Variants in PTH1R observed in about 807,000 individuals in gnomAD.
The protein encoded by PTH1R is parathyroid hormone 1 receptor.
PTH1R carries 32 observed loss-of-function variants against 70.7 expected under a neutral mutation model. The ratio of observed to expected loss-of-function variants is 0.45; its 90% confidence interval spans 0.34 to 0.61. The LOEUF (loss-of-function observed/expected upper bound fraction) is 0.61. Among genes scored for constraint, PTH1R ranks in the 20% least tolerant of loss-of-function variants. The pLI is 0.01. For missense variants in PTH1R, 626 were observed against 792.5 expected, an observed-to-expected ratio of 0.79 and a Z score of 2.52; for synonymous variants, 329 against 324.8, an observed-to-expected ratio of 1.01 and a Z score of -0.14.
Position 46,897,928 on chromosome 3 carries a change from G to C in PTH1R, c.387G>C (p.Val129=), listed in dbSNP as rs1374915669. ...PLGAPGEVVA[V]PCPDYIYDFN... is the part of the protein sequence containing the mutation. ...GGGCACCAGGTGAGGTGGTGGCTGTGCCCTGTCCGGACTACATTTATGACT... is the reference window on the plus strand; with the variant it reads ...GGGCACCAGGTGAGGTGGTGGCTGTCCCCTGTCCGGACTACATTTATGACT... The change falls in exon 6 of 16, where the codon GTG becomes GTC. Residue 129 remains valine, a synonymous_variant. Coordinates refer to ENST00000449590, the MANE Select transcript of PTH1R (RefSeq NM_000316.3). 6.2e-7 allele frequency: 1 copy of C among 1,614,126 alleles called. No homozygotes were observed. The highest frequency in any genetic ancestry group is 1.3e-5 in the African/African-American group (1 of 75,040).
At position 46,902,029 on chromosome 3, in the gene PTH1R, G is replaced by A. The variant is rs2107060783; in HGVS notation, c.1211+169G>A. On this transcript the variant is annotated intron_variant, in intron 13 of 15. Coordinates refer to ENST00000449590, the MANE Select transcript of PTH1R (RefSeq NM_000316.3). The surrounding 1 kb of genome is among the most constrained non-coding windows in gnomAD (Gnocchi z 5.4). ...CCACCTGGCCTGCCCAGCAGTGATG[G>A]GAGGCCCTAGGGCACCCCAAAGCCA... Among the ~76,000 whole-genome samples the A allele has an allele frequency of 6.6e-6, 1 of 152,320 alleles. No individual in the cohort carries two copies. Among genetic ancestry groups the A allele is most frequent in the African/African-American group, 2.4e-5 (1 of 41,574 alleles).
rs1166079263 is a variant in PTH1R at position 46,901,810 on chromosome 3, C to A, written c.1161C>A (p.Thr387=). 1.9e-6 allele frequency: 3 copies of A among 1,614,106 alleles called. No homozygotes were observed. The highest frequency in any genetic ancestry group is 2.2e-5 in the South Asian group (2 of 91,080). ...LFINIVRVLA[T]KLRETNAGRC... The stretch of plus-strand genomic sequence containing the variant: ...TCAATATCGTCCGGGTGCTCGCCAC[C>A]AAGCTGCGGGAGACCAACGCCGGCC... The change falls in exon 13 of 16, where the codon ACC becomes ACA. Residue 387 remains threonine, a synonymous_variant. Transcript: ENST00000449590. The surrounding 1 kb of genome is among the most constrained non-coding windows in gnomAD (Gnocchi z 7.3).
intron 3 of PTH1R, among the ~76,000 whole-genome samples, chr3:46,888,686 A>G (rs545731320): frequency 6.6e-6 from 1 of 152,332 alleles, no homozygotes; most frequent in East Asian, 1.9e-4. Context: ...GCCCGAGGTG[A>G]GACCTAGTGG....
At chr3:46,894,804 G>A (rs1575518128) in intron 4 of PTH1R, among the ~76,000 whole-genome samples, 1 of 152,022 alleles carries the variant, frequency 6.6e-6, no homozygotes, top group African/African-American at 2.4e-5. Flanking sequence ...CTTGGGCGGT[G>A]GCTGAAGGAA....
Position 46,903,291 on chromosome 3 carries a change from T to A in PTH1R, c.1417T>A (p.Ser473Thr). ...NGEVQAEIKK[S>T]WSRWTLALDF... ...CAAGGTACAAGCTGAGATCAAGAAA[T>A]CTTGGAGCCGCTGGACACTGGCACT... The change falls in exon 16 of 16, where the codon TCT becomes ACT. Residue 473 changes from serine (S) to threonine (T), a missense_variant. Ser to Thr is a moderately conservative substitution (Grantham distance 58). This residue lies in a region of PTH1R where 495 missense variants were observed against 638.7 expected (regional missense o/e 0.77). Transcript: ENST00000449590. This position sits in a 1 kb window ranked among gnomAD's most constrained non-coding sequence, Gnocchi z 4.4. 1 of 1,612,944 alleles carries A rather than the reference T, an allele frequency of 6.2e-7. No individual in the cohort carries two copies. Among genetic ancestry groups the A allele is most frequent in the Non-Finnish European group, 8.5e-7 (1 of 1,179,974 alleles).
intron 1 of PTH1R, among the ~76,000 whole-genome samples, chr3:46,878,809 C>T (rs992288937): frequency 6.6e-6 from 1 of 152,140 alleles, no homozygotes; most frequent in Non-Finnish European, 1.5e-5. Context: ...GGGCCAGAGT[C>T]TGGCCCCTAC....
chr3:46,888,460 G>A (rs1009305041), intron 3 of PTH1R, among the ~76,000 whole-genome samples: 1 of 152,210 alleles, frequency 6.6e-6, no homozygotes, highest in Non-Finnish European at 1.5e-5. Flanking sequence ...GCCTTCTGGG[G>A]ACACTCCCTG....
chr3:46,895,591 C>A (rs1429132560), intron 4 of PTH1R, 144 bp from the exon 5 acceptor site: 2 of 1,262,360 alleles, frequency 1.6e-6, no homozygotes, highest in Non-Finnish European at 2.3e-6. Context: ...CACCCATCGT[C>A]TCAGATCTCC....
At chr3:46,888,341 G>A (rs1282009541) in intron 3 of PTH1R, among the ~76,000 whole-genome samples, 6 of 152,160 alleles carry the variant, frequency 3.9e-5, no homozygotes, top group Admixed American at 6.5e-5. Flanking sequence ...CTCTTGAAAC[G>A]GCTTATGGAC....
In PTH1R at chr3:46,899,326, C is replaced by T. The variant is rs559583997; in HGVS notation, c.858C>T (p.Thr286=). Residue 286 remains threonine (T), a synonymous_variant, in exon 10 of 16, where the codon ACC becomes ACT. Transcript: ENST00000449590. ...AGGCGGGCTGCAGGGTGGCTGTGAC[C>T]TTCTTCCTTTACTTCCTGGCCACCA... ...AGYAGCRVAV[T]FFLYFLATNY... is the part of the protein sequence containing the mutation. 1 of 1,614,068 alleles carries T rather than the reference C, an allele frequency of 6.2e-7. No individual in the cohort carries two copies. The highest frequency in any genetic ancestry group is 1.3e-5 in the African/African-American group (1 of 75,064).
In PTH1R at chr3:46,901,051, T is replaced by A; in HGVS notation, c.1015T>A (p.Trp339Arg). The A allele has an allele frequency of 6.3e-7, 1 of 1,584,498 alleles. No homozygotes were observed. Among genetic ancestry groups the A allele is most frequent in the Non-Finnish European group, 8.6e-7 (1 of 1,164,162 alleles). The change falls in exon 11 of 16, where the codon TGG (tryptophan) becomes AGG (arginine). Residue 339 changes from tryptophan to arginine, a missense_variant. Physicochemically the swap from Trp to Arg is moderately radical, Grantham distance 101 (BLOSUM62 -3). Around this residue, in one of 3 missense-constraint regions of PTH1R, gnomAD observed 495 missense variants for 638.7 expected, o/e 0.77. Coordinates refer to ENST00000449590, the MANE Select transcript of PTH1R (RefSeq NM_000316.3). This position sits in a 1 kb window ranked among gnomAD's most constrained non-coding sequence, Gnocchi z 7.3. ...WGLPAVFVAVWVSVRATLANT... is the reference protein window; with the variant it reads ...WGLPAVFVAVRVSVRATLANT... ...TCTGCCCGCTGTCTTCGTGGCTGTG[T>A]GGGTCAGTGTCAGAGCTACCCTGGC...
At chr3:46,895,055 C>T (rs2031657773) in intron 4 of PTH1R, among the ~76,000 whole-genome samples, 1 of 138,634 alleles carries the variant, frequency 7.2e-6, no homozygotes, top group South Asian at 2.4e-4. Context: ...TAGAGGGAGA[C>T]CTTGTCTCAA....
In PTH1R at chr3:46,883,762, T is replaced by C; in HGVS notation, c.75+128T>C. 1 of 1,073,920 alleles carries C rather than the reference T, an allele frequency of 9.3e-7. No homozygotes were observed. The highest frequency in any genetic ancestry group is 1.4e-6 in the Non-Finnish European group (1 of 739,954). The allele number at this position is 1,073,920 out of a possible 1,614,324, so 66.5% of individuals were successfully genotyped here. A position where few individuals can be genotyped will look rare whatever the true frequency, so the allele number is the denominator to read the frequency against. On this transcript the variant is annotated intron_variant, in intron 3 of 15. Transcript: ENST00000449590. This position sits in a 1 kb window ranked among gnomAD's most constrained non-coding sequence, Gnocchi z 6.4. Reference sequence around the variant, plus strand: ...AACTTTGGGTGAGAGTCCCCTCTGATCCAGGATCCTGGGTGCCTGCTGTCT... The same window carrying C: ...AACTTTGGGTGAGAGTCCCCTCTGACCCAGGATCCTGGGTGCCTGCTGTCT...
At chr3:46,888,480 C>T (rs994624241) in intron 3 of PTH1R, among the ~76,000 whole-genome samples, 6 of 152,150 alleles carry the variant, frequency 3.9e-5, no homozygotes, top group African/African-American at 1.4e-4. Flanking sequence ...GGTCCAGCCA[C>T]CACATCAGGA....
At chr3:46,899,522 A>G in intron 10 of PTH1R, 66 bp downstream of exon 10, 1 of 1,569,352 alleles carries the variant, frequency 6.4e-7, no homozygotes, top group Non-Finnish European at 8.6e-7. Context: ...GGGAGAGGGC[A>G]GCCCCTGGGG....
intron 10 of PTH1R, 124 bp from the exon 11 acceptor site, chr3:46,900,901 A>C (rs943261030): frequency 3.3e-5 from 35 of 1,060,014 alleles, no homozygotes; most frequent in Non-Finnish European, 4.8e-5. Flanking sequence ...CAAGTGGACC[A>C]AGTGCCCAGT....
In PTH1R at chr3:46,901,777, C is replaced by G. The variant is rs1390451096; in HGVS notation, c.1128C>G (p.Ile376Met). The stretch of plus-strand genomic sequence containing the variant: ...CCTCACTCCCACAGCTCAACTTCAT[C>G]CTCTTCATCAATATCGTCCGGGTGC... ...PILASIVLNF[I>M]LFINIVRVLA... The change falls in exon 13 of 16, where the codon ATC becomes ATG. Residue 376 changes from isoleucine (I) to methionine (M), a missense_variant. Around this residue, in one of 3 missense-constraint regions of PTH1R, gnomAD observed 495 missense variants for 638.7 expected, o/e 0.77. Coordinates refer to ENST00000449590, the MANE Select transcript of PTH1R (RefSeq NM_000316.3). The surrounding 1 kb of genome is among the most constrained non-coding windows in gnomAD (Gnocchi z 7.3). The G allele has an allele frequency of 1.2e-6, 2 of 1,614,084 alleles. No homozygotes were observed. The highest frequency in any genetic ancestry group is 1.7e-5 in the Admixed American group (1 of 60,026).
Position 46,883,148 on chromosome 3 carries a change from A to G in PTH1R, c.-48-364A>G, listed in dbSNP as rs1337110293. On this transcript the variant is annotated intron_variant, in intron 2 of 15. Coordinates refer to ENST00000449590, the MANE Select transcript of PTH1R (RefSeq NM_000316.3). This position sits in a 1 kb window ranked among gnomAD's most constrained non-coding sequence, Gnocchi z 6.4. ...AGCTCCCATTTCCCCAAAAGAAAAA[A>G]AAAGAAAGAAAGAAAGAAAGAAAGA... Among the ~76,000 whole-genome samples, 7 of 142,164 alleles carry G rather than the reference A, an allele frequency of 4.9e-5. No individual in the cohort carries two copies. In the South Asian group the frequency reaches 6.8e-4, roughly 14 times the overall value. The allele number at this position is 142,164 out of a possible 152,430, so 93.3% of individuals were successfully genotyped here.
chr3:46,898,726 G>A lies in PTH1R; in HGVS notation c.703G>A (p.Val235Met), dbSNP rs1020569025. 1.9e-6 allele frequency: 3 copies of A among 1,611,118 alleles called. No individual in the cohort carries two copies. The highest frequency in any genetic ancestry group is 1.1e-5 in the South Asian group (1 of 91,072). ...GTTCCTGTCCTTCATGCTGCGCGCC[G>A]TGAGCATCTTCGTCAAGGACGCTGT... ...HLFLSFMLRA[V>M]SIFVKDAVLY... The change falls in exon 9 of 16, where the codon GTG (valine) becomes ATG (methionine). Residue 235 changes from valine to methionine, a missense_variant. This residue lies in a region of PTH1R where 495 missense variants were observed against 638.7 expected (regional missense o/e 0.77). Coordinates refer to ENST00000449590, the MANE Select transcript of PTH1R (RefSeq NM_000316.3).
Sources: gnomAD v4.1 joint callset for allele counts (sites outside exome capture counted in the v4.1 genomes callset) on GRCh38, gnomAD v4.1.1 for gene constraint, gnomAD v4.1.1 regional missense constraint, Gnocchi (gnomAD v3.1) non-coding constraint, MANE v1.5 for transcripts, NCBI Gene and HGNC (gene_info 2026-07-23, HGNC 2026-07-21) for gene names.